The following RUNDC3B variants were observed in gnomAD, a reference collection of about 807,000 sequenced individuals.
RUNDC3B encodes RUN domain-containing protein 3B.
Under a neutral mutation model 58.4 loss-of-function variants are expected in RUNDC3B, and 33 were observed. The ratio of observed to expected loss-of-function variants is 0.56; its 90% CI spans 0.43 to 0.75. The LOEUF is 0.75. Among genes scored for constraint, RUNDC3B ranks in the 30% least tolerant of loss-of-function variants. The pLI is 0.00. For synonymous variants in RUNDC3B, 193 were observed against 195.2 expected (o/e 0.99, Z 0.10); for missense variants, 501 against 535.7 (o/e 0.94, Z 0.64).
At chr7:87,823,146 A>G (rs1036606392) in intron 10 of RUNDC3B, among the ~76,000 whole-genome samples, 1 of 152,156 alleles carries the variant, frequency 6.6e-6, no homozygotes, top group African/African-American at 2.4e-5. Flanking sequence ...CTAAAGGTAA[A>G]GGGATCAGGC....
chr7:87,656,984 T>C (rs573501322), intron 2 of RUNDC3B, among the ~76,000 whole-genome samples: 29 of 152,286 alleles, frequency 1.9e-4, no homozygotes, highest in Admixed American at 2.6e-4. Flanking sequence ...TCATAGCTTC[T>C]ATCATATCAA....
intron 8 of RUNDC3B, among the ~76,000 whole-genome samples, chr7:87,801,881 A>T (rs556358212): frequency 1.3e-5 from 2 of 152,262 alleles, no homozygotes; most frequent in Non-Finnish European, 2.9e-5. Context: ...TTAGCAAATT[A>T]CATAATGAAC....
intron 1 of RUNDC3B, among the ~76,000 whole-genome samples, chr7:87,637,969 G>A (rs1160195737): frequency 6.6e-6 from 1 of 151,938 alleles, no homozygotes; most frequent in Non-Finnish European, 1.5e-5. Flanking sequence ...TTATTAAATA[G>A]GATGTTTGCA....
intron 2 of RUNDC3B, among the ~76,000 whole-genome samples, chr7:87,654,936 A>T (rs905969739): frequency 1.5e-4 from 23 of 152,152 alleles, no homozygotes; most frequent in African/African-American, 5.1e-4. Context: ...GTATATAAAA[A>T]GGTGCTCAAA....
At position 87,807,405 on chromosome 7, in the gene RUNDC3B, G is replaced by C; in HGVS notation, c.989G>C (p.Arg330Thr). 1 of 1,613,774 alleles carries C rather than the reference G, an allele frequency of 6.2e-7. No individual in the cohort carries two copies. Among genetic ancestry groups the C allele is most frequent in the South Asian group, 1.1e-5 (1 of 91,062 alleles). ...TVLKNNDLRS[R>T]QELTAHLTNQ... ...CTAAAGAATAATGATTTAAGATCGA[G>C]ACAAGAGTTAACTGCCCATCTCACC... is the stretch of plus-strand genomic sequence containing the variant. The change falls in exon 9 of 11, where the codon AGA becomes ACA. Residue 330 changes from arginine to threonine, a missense_variant. Coordinates refer to ENST00000394654, the MANE Select transcript of RUNDC3B (RefSeq NM_001134405.2).
Position 87,746,941 on chromosome 7 carries a change from G to A in RUNDC3B, c.629+5362G>A, listed in dbSNP as rs573965624. Among the ~76,000 whole-genome samples, 49 of 152,126 alleles carry A rather than the reference G, an allele frequency of 3.2e-4. 1 individual carries two copies. The highest frequency in any genetic ancestry group is 9.9e-4 in the African/African-American group (41 of 41,438). On this transcript the variant is annotated intron_variant, in intron 6 of 10. Coordinates refer to ENST00000394654, the MANE Select transcript of RUNDC3B (RefSeq NM_001134405.2). Reference sequence around the variant, plus strand: ...TTTCTCTGGTCCCTCCATGATTAGCGTAATGACTAACCTCCTGAATTCTTT... The same window carrying A: ...TTTCTCTGGTCCCTCCATGATTAGCATAATGACTAACCTCCTGAATTCTTT...
intron 2 of RUNDC3B, among the ~76,000 whole-genome samples, chr7:87,684,060 G>T (rs1827201594): frequency 6.6e-6 from 1 of 152,230 alleles, no homozygotes; most frequent in South Asian, 2.1e-4. Context: ...ACTAATAGGT[G>T]CATAGAAAAG....
At chr7:87,786,094 G>C (rs1025622648) in intron 8 of RUNDC3B, among the ~76,000 whole-genome samples, 1 of 152,098 alleles carries the variant, frequency 6.6e-6, no homozygotes, top group Non-Finnish European at 1.5e-5. Flanking sequence ...TGTTTGAAAT[G>C]TGATGGTTTA....
chr7:87,655,340 G>C (rs1010834951), intron 2 of RUNDC3B, among the ~76,000 whole-genome samples: 39 of 151,900 alleles, frequency 2.6e-4, no homozygotes, highest in African/African-American at 9.2e-4. Flanking sequence ...CTACTGATGA[G>C]TCGATAAAAA....
intron 1 of RUNDC3B, among the ~76,000 whole-genome samples, chr7:87,629,837 A>G (rs578228905): frequency 1.3e-5 from 2 of 152,006 alleles, no homozygotes; most frequent in South Asian, 4.2e-4. Context: ...GAGGCAGGAG[A>G]ATCGATTGAA....
intron 1 of RUNDC3B, among the ~76,000 whole-genome samples, chr7:87,642,970 T>C (rs533350589): frequency 6.6e-6 from 1 of 152,264 alleles, no homozygotes; most frequent in Non-Finnish European, 1.5e-5. Context: ...GGCTGGAGTG[T>C]AGACGCATGA....
At chr7:87,682,887 T>A (rs1170465799) in intron 2 of RUNDC3B, among the ~76,000 whole-genome samples, 1 of 152,210 alleles carries the variant, frequency 6.6e-6, no homozygotes, top group Non-Finnish European at 1.5e-5. Flanking sequence ...TTCTCTTCTT[T>A]TACTATGAAA....
In RUNDC3B at chr7:87,830,125, G is replaced by C; in HGVS notation, c.*95G>C. 1 of 630,898 alleles carries C rather than the reference G, an allele frequency of 1.6e-6. No homozygotes were observed. Among genetic ancestry groups the C allele is most frequent in the Non-Finnish European group, 2.5e-6 (1 of 403,380 alleles). 39.1% of individuals were successfully genotyped at this position (630,898 alleles called of 1,614,324 possible). On this transcript the variant is annotated 3_prime_UTR_variant, in exon 11 of 11. Transcript: ENST00000394654. The stretch of plus-strand genomic sequence containing the variant: ...GACCTTTGAAATTTTATATTGTTCT[G>C]GTACATGTCTGAAATTCTATTGCTT...
chr7:87,790,153 AC>A (rs1835444740), intron 8 of RUNDC3B, among the ~76,000 whole-genome samples: 1 of 152,010 alleles, frequency 6.6e-6, no homozygotes, highest in Non-Finnish European at 1.5e-5. Context: ...ACATCACCAC[AC>A]CCCCAGTTCC....
chr7:87,816,433 G>GT (rs1563228779), intron 10 of RUNDC3B, among the ~76,000 whole-genome samples, 171 bp downstream of exon 10: 9 of 151,446 alleles, frequency 5.9e-5, no homozygotes, highest in Admixed American at 1.3e-4. Flanking sequence ...TGTGTGTGTG[G>GT]GGGGGGCTAA....
intron 9 of RUNDC3B, among the ~76,000 whole-genome samples, chr7:87,809,428 C>G (rs758274829): frequency 4.6e-5 from 7 of 151,190 alleles, no homozygotes; most frequent in Non-Finnish European, 8.8e-5. Flanking sequence ...ATCTCTGCTA[C>G]TTACGTAATG....
intron 4 of RUNDC3B, among the ~76,000 whole-genome samples, chr7:87,715,645 C>T (rs199472675): frequency 1.3e-5 from 2 of 150,598 alleles, no homozygotes; most frequent in Non-Finnish European, 2.9e-5. Context: ...GGAATAGAAG[C>T]ATTTCATCAT....
At chr7:87,768,311 G>A (rs2130865352) in intron 6 of RUNDC3B, among the ~76,000 whole-genome samples, 1 of 152,256 alleles carries the variant, frequency 6.6e-6, no homozygotes, top group African/African-American at 2.4e-5. Flanking sequence ...CCTCCCCTAG[G>A]AGTGGCCCAC....
intron 2 of RUNDC3B, among the ~76,000 whole-genome samples, chr7:87,687,428 G>C (rs1180262794): frequency 6.6e-6 from 1 of 151,948 alleles, no homozygotes; most frequent in African/African-American, 2.4e-5. Flanking sequence ...AAGCACTCCT[G>C]ACCTCTTTCC....
Sources: allele counts gnomAD v4.1 joint callset (sites outside exome capture counted in the v4.1 genomes callset), GRCh38; gene constraint gnomAD v4.1.1; transcripts MANE v1.5; gene names NCBI Gene and HGNC (gene_info 2026-07-23, HGNC 2026-07-21).